The following OTUD7A variants were observed in gnomAD, a reference collection of about 807,000 sequenced individuals.
The protein encoded by OTUD7A is OTU domain-containing protein 7A.
A neutral mutation model predicts 65.7 loss-of-function variants in OTUD7A; 12 were observed. The observed-to-expected ratio is 0.18, with a 90% CI of 0.12 to 0.30. OTUD7A has a LOEUF of 0.30. Among genes scored for constraint, OTUD7A ranks in the 10% least tolerant of loss-of-function variants. The pLI, the probability that OTUD7A is intolerant of heterozygous loss-of-function variation, is 1.00. For synonymous variants in OTUD7A, 641 were observed against 586.3 expected (o/e 1.09, Z -1.35); for missense variants, 1,148 against 1,304.8 (o/e 0.88, Z 1.85).
At chr15:31,715,296 T>C (rs1893555290) in intron 1 of OTUD7A, among the ~76,000 whole-genome samples, 1 of 145,288 alleles carries the variant, frequency 6.9e-6, no homozygotes, top group African/African-American at 2.5e-5. Context: ...AGATGGCGCC[T>C]GGCTGTCCAG....
intron 3 of OTUD7A, among the ~76,000 whole-genome samples, chr15:31,612,000 G>C (rs374642644): frequency 2.0e-5 from 3 of 152,130 alleles, no homozygotes; most frequent in Non-Finnish European, 2.9e-5. Flanking sequence ...TTTAACATAT[G>C]CAAGTTGATA....
intron 1 of OTUD7A, among the ~76,000 whole-genome samples, chr15:31,700,066 C>A (rs1893179093): frequency 6.6e-6 from 1 of 151,632 alleles, no homozygotes; most frequent in Non-Finnish European, 1.5e-5. Flanking sequence ...TCACCCCCTG[C>A]TAATGACGGA....
intron 3 of OTUD7A, among the ~76,000 whole-genome samples, chr15:31,594,388 G>T (rs1172490775): frequency 6.6e-6 from 1 of 152,220 alleles, no homozygotes; most frequent in Non-Finnish European, 1.5e-5. Flanking sequence ...CTGGCTTCCA[G>T]GAGGAGCTTA....
At chr15:31,675,487 C>A (rs1892577056) in intron 1 of OTUD7A, among the ~76,000 whole-genome samples, 1 of 152,172 alleles carries the variant, frequency 6.6e-6, no homozygotes, top group Admixed American at 6.5e-5. Flanking sequence ...AAAAAGCCCA[C>A]AGTTATTCAT....
intron 1 of OTUD7A, among the ~76,000 whole-genome samples, chr15:31,779,223 A>G (rs1029466825): frequency 6.6e-6 from 1 of 152,114 alleles, no homozygotes; most frequent in Non-Finnish European, 1.5e-5. Flanking sequence ...CCTGGGTTCC[A>G]TTTCCTTTAT....
In OTUD7A at chr15:31,561,769, C is replaced by T. The variant is rs1213720476; in HGVS notation, c.332-2582G>A. 2.1e-5 allele frequency among the ~76,000 whole-genome samples: 3 copies of T among 144,468 alleles called. No homozygotes were observed. In the East Asian group the frequency reaches 6.0e-4, roughly 29 times the overall value. 94.8% of individuals were successfully genotyped at this position (144,468 alleles called of 152,430 possible). A position where few individuals can be genotyped will look rare whatever the true frequency, so the allele number is the denominator to read the frequency against. ...AGGAATGCACACATATCATCTCTCTCACACACACACAGAGTCACACACACA... is the reference window on the plus strand; with the variant it reads ...AGGAATGCACACATATCATCTCTCTTACACACACACAGAGTCACACACACA... On this transcript the variant is annotated intron_variant, in intron 4 of 12. Transcript: ENST00000307050.
intron 10 of OTUD7A, among the ~76,000 whole-genome samples, chr15:31,489,941 G>A (rs1449121034): frequency 6.6e-6 from 1 of 152,234 alleles, no homozygotes; most frequent in Non-Finnish European, 1.5e-5. Flanking sequence ...TCTGGCTGGG[G>A]TGAAGGGCCA....
chr15:31,805,259 T>C (rs1896239071), intron 1 of OTUD7A, among the ~76,000 whole-genome samples: 1 of 152,160 alleles, frequency 6.6e-6, no homozygotes, highest in Non-Finnish European at 1.5e-5. Context: ...TGTAATGAAA[T>C]AGAAAAGGCA....
intron 1 of OTUD7A, among the ~76,000 whole-genome samples, chr15:31,818,067 G>C (rs972345541): frequency 2.6e-5 from 4 of 152,170 alleles, no homozygotes; most frequent in Non-Finnish European, 5.9e-5. Flanking sequence ...CCCCAACTGA[G>C]GAAACAGCAA....
intron 3 of OTUD7A, among the ~76,000 whole-genome samples, chr15:31,599,896 T>C (rs1004364305): frequency 4.0e-5 from 6 of 151,732 alleles, no homozygotes; most frequent in African/African-American, 1.2e-4. Context: ...ATATCAGAGA[T>C]TGAAGATCAA....
intron 3 of OTUD7A, among the ~76,000 whole-genome samples, chr15:31,624,310 C>T (rs1890887174): frequency 6.6e-6 from 1 of 152,206 alleles, no homozygotes; most frequent in African/African-American, 2.4e-5. Context: ...ATGCTAAAAG[C>T]TGCAAGATTG....
At chr15:31,767,693 T>G in intron 1 of OTUD7A, 1 of 728,202 alleles carries the variant, frequency 1.4e-6, no homozygotes, top group Non-Finnish European at 2.6e-6. Flanking sequence ...AACTGCATTT[T>G]CTTGATCTTC....
Position 31,483,483 on chromosome 15 carries a change from G to C in OTUD7A, c.2613C>G (p.Phe871Leu), listed in dbSNP as rs1427691184. 3 of 1,393,674 alleles carry C rather than the reference G, an allele frequency of 2.2e-6. No individual in the cohort carries two copies. In the South Asian group the frequency reaches 4.2e-5, roughly 19 times the overall value. The allele number at this position is 1,393,674 out of a possible 1,614,324, so 86.3% of individuals were successfully genotyped here. A position where few individuals can be genotyped will look rare whatever the true frequency, so the allele number is the denominator to read the frequency against. ...GFGALRDGLE[F>L]ADADAPTARS... ...GCGCGGTCGGCGCGTCGGCGTCGGC[G>C]AACTCCAGGCCGTCGCGCAGGGCGC... Residue 871 changes from phenylalanine to leucine, a missense_variant, in exon 13 of 13, where the codon TTC (phenylalanine) becomes TTG (leucine). By Grantham distance (22) the Phe-to-Leu change is conservative (BLOSUM62 0). Transcript: ENST00000307050.
intron 8 of OTUD7A, among the ~76,000 whole-genome samples, chr15:31,515,090 G>C (rs958385924): frequency 1.3e-5 from 2 of 152,158 alleles, no homozygotes; most frequent in Non-Finnish European, 2.9e-5. Context: ...AACAGCACAG[G>C]GGGAGAGAAT....
chr15:31,852,218 G>A (rs1595815215), intron 1 of OTUD7A, among the ~76,000 whole-genome samples: 1 of 152,184 alleles, frequency 6.6e-6, no homozygotes, highest in East Asian at 1.9e-4. Context: ...AAGTGTGGGT[G>A]CCCTCTCCCT....
At chr15:31,816,839 T>C (rs1896562118) in intron 1 of OTUD7A, among the ~76,000 whole-genome samples, 1 of 152,232 alleles carries the variant, frequency 6.6e-6, no homozygotes, top group African/African-American at 2.4e-5. Context: ...GTTTTTCATA[T>C]GCACTCATGC....
At chr15:31,670,945 A>C (rs1045773970) in intron 1 of OTUD7A, among the ~76,000 whole-genome samples, 1 of 151,884 alleles carries the variant, frequency 6.6e-6, no homozygotes, top group African/African-American at 2.4e-5. Flanking sequence ...CAGTGAGCCG[A>C]GATTGCACCA....
intron 4 of OTUD7A, among the ~76,000 whole-genome samples, chr15:31,566,365 T>A (rs936944109): frequency 6.6e-6 from 1 of 152,160 alleles, no homozygotes; most frequent in African/African-American, 2.4e-5. Context: ...AAAACACATA[T>A]ACATATAGAG....
chr15:31,804,680 T>C (rs1411025753), intron 1 of OTUD7A, among the ~76,000 whole-genome samples: 1 of 152,082 alleles, frequency 6.6e-6, no homozygotes, highest in African/African-American at 2.4e-5. Flanking sequence ...CCATGCTAGA[T>C]GGAACCGAAG....
Sources: gnomAD v4.1 joint callset for allele counts (sites outside exome capture counted in the v4.1 genomes callset) on GRCh38, gnomAD v4.1.1 for gene constraint, MANE v1.5 for transcripts, NCBI Gene and HGNC (gene_info 2026-07-23, HGNC 2026-07-21) for gene names.